RBFOX1: variants seen among roughly 807,000 people sequenced by gnomAD.
RBFOX1 encodes the protein RNA binding fox-1 homolog 1, also known as RNA binding protein fox-1 homolog 1.
In RBFOX1, 8 loss-of-function variants were observed where a neutral mutation model predicts 57.7. The ratio of observed to expected loss-of-function variants is 0.14; its 90% confidence interval spans 0.08 to 0.25. The LOEUF (loss-of-function observed/expected upper bound fraction) is 0.25. RBFOX1 is among the 10% of genes least tolerant of loss of function. The pLI is 1.00. For synonymous variants in RBFOX1, 326 were observed against 222.4 expected (o/e 1.47, Z -4.15); for missense variants, 611 against 548.5 (o/e 1.11, Z -1.14).
At chr16:5,688,875 C>T (rs1334802230) in intron 3 of RBFOX1, among the ~76,000 whole-genome samples, 1 of 152,178 alleles carries the variant, frequency 6.6e-6, no homozygotes, top group African/African-American at 2.4e-5. Flanking sequence ...TCTACTGCCT[C>T]TCATCTCTGC....
intron 5 of RBFOX1, among the ~76,000 whole-genome samples, chr16:7,544,811 T>C (rs1337192024): frequency 6.6e-6 from 1 of 152,198 alleles, no homozygotes; most frequent in East Asian, 1.9e-4. Flanking sequence ...TTTGTTTTTG[T>C]TTTTTCCTTT....
At chr16:6,230,341 G>GA (rs904154394) in intron 1 of RBFOX1, among the ~76,000 whole-genome samples, 7 of 152,034 alleles carry the variant, frequency 4.6e-5, no homozygotes, top group African/African-American at 1.7e-4. Context: ...TAATTATAAG[G>GA]AAAAAATATT....
At chr16:7,234,112 G>C (rs927468378) in intron 4 of RBFOX1, among the ~76,000 whole-genome samples, 1 of 152,064 alleles carries the variant, frequency 6.6e-6, no homozygotes, top group African/African-American at 2.4e-5. Context: ...ATTGCATTCA[G>C]CTCTATTCAC....
intron 1 of RBFOX1, among the ~76,000 whole-genome samples, chr16:6,301,963 A>G (rs1370704172): frequency 2.6e-5 from 4 of 152,154 alleles, no homozygotes; most frequent in East Asian, 1.9e-4. Flanking sequence ...AAATGCCCCA[A>G]TATCAAACTC....
intron 2 of RBFOX1, among the ~76,000 whole-genome samples, chr16:5,545,692 G>A (rs2045166898): frequency 6.6e-6 from 1 of 151,950 alleles, no homozygotes; most frequent in Admixed American, 6.6e-5. Context: ...AGGAATGTAA[G>A]GAAATTACTT....
intron 3 of RBFOX1, among the ~76,000 whole-genome samples, chr16:5,649,579 C>G (rs954808857): frequency 3.9e-5 from 6 of 152,210 alleles, no homozygotes; most frequent in Non-Finnish European, 5.9e-5. Flanking sequence ...CTAAGCTCAT[C>G]CCATCGTCTC....
At chr16:6,804,482 A>T (rs901380675) in intron 3 of RBFOX1, among the ~76,000 whole-genome samples, 1 of 152,188 alleles carries the variant, frequency 6.6e-6, no homozygotes, top group Admixed American at 6.5e-5. Context: ...TGGAACTAAC[A>T]GGCTCAACAG....
At chr16:6,793,753 A>T (rs1223714169) in intron 3 of RBFOX1, among the ~76,000 whole-genome samples, 2 of 152,174 alleles carry the variant, frequency 1.3e-5, no homozygotes. Context: ...AGCAAGAAAC[A>T]TTAGTTTCCA....
chr16:5,516,581 A>G (rs1297262689), intron 2 of RBFOX1, among the ~76,000 whole-genome samples: 1 of 152,208 alleles, frequency 6.6e-6, no homozygotes, highest in Non-Finnish European at 1.5e-5. Flanking sequence ...TTTTTTAATT[A>G]TAGTAGGCCC....
At chr16:6,882,482 T>C (rs1448933981) in intron 3 of RBFOX1, among the ~76,000 whole-genome samples, 1 of 152,070 alleles carries the variant, frequency 6.6e-6, no homozygotes, top group African/African-American at 2.4e-5. Flanking sequence ...TAATCCCAGC[T>C]ACTCCGGAGG....
intron 4 of RBFOX1, among the ~76,000 whole-genome samples, chr16:7,309,456 C>T (rs1266497637): frequency 6.6e-6 from 1 of 152,232 alleles, no homozygotes; most frequent in Non-Finnish European, 1.5e-5. Flanking sequence ...TTCGCCTGCT[C>T]TGCCTGCCAT....
intron 1 of RBFOX1, among the ~76,000 whole-genome samples, chr16:5,422,386 TGAG>T (rs757054937): frequency 1.3e-3 from 73 of 54,886 alleles, no homozygotes; most frequent in African/African-American, 3.5e-3. Context: ...AGAAGAGAAA[TGAG>T]GAGGAGGGAA....
intron 3 of RBFOX1, among the ~76,000 whole-genome samples, chr16:5,823,666 A>C (rs1224142906): frequency 6.6e-6 from 1 of 152,136 alleles, no homozygotes; most frequent in African/African-American, 2.4e-5. Flanking sequence ...TGGCAGCATT[A>C]GATTATCATA....
rs201101880 is a variant in RBFOX1 at position 6,818,434 on chromosome 16, G to GA, written c.-16+163794dup. On this transcript the variant is annotated intron_variant, in intron 3 of 15. Transcript: ENST00000550418. ...GTACAGATCCATGAGTGGCCAAAAA[G>GA]AAAAAAAAAATATTATTGAATGCCA... is the stretch of plus-strand genomic sequence containing the variant. Among the ~76,000 whole-genome samples, 501 of 148,966 alleles carry GA rather than the reference G, an allele frequency of 3.4e-3. 5 individuals carry two copies. The highest frequency in any genetic ancestry group is 0.02 in the Admixed American group (304 of 15,010).
chr16:5,302,716 A>G (rs1178741084), intron 1 of RBFOX1, among the ~76,000 whole-genome samples: 2 of 152,090 alleles, frequency 1.3e-5, no homozygotes, highest in African/African-American at 2.4e-5. Flanking sequence ...CTTGAGGTTT[A>G]TTTTGTCTGA....
intron 1 of RBFOX1, among the ~76,000 whole-genome samples, chr16:6,107,718 T>C (rs1208110867): frequency 2.2e-4 from 7 of 31,840 alleles, no homozygotes; most frequent in African/African-American, 1.2e-3. Context: ...GATGGATGGA[T>C]TTGTGGGTGG....
At chr16:6,525,301 G>A (rs1332963409) in intron 2 of RBFOX1, among the ~76,000 whole-genome samples, 1 of 152,180 alleles carries the variant, frequency 6.6e-6, no homozygotes, top group South Asian at 2.1e-4. Flanking sequence ...TTACTGGGGA[G>A]TATGTGATGT....
At chr16:6,530,139 C>T (rs1457149504) in intron 2 of RBFOX1, among the ~76,000 whole-genome samples, 6 of 152,144 alleles carry the variant, frequency 3.9e-5, no homozygotes, top group Non-Finnish European at 5.9e-5. Flanking sequence ...TCTTTCCTCC[C>T]CTTCTTTTAT....
intron 2 of RBFOX1, among the ~76,000 whole-genome samples, chr16:6,639,393 C>T (rs2098468973): frequency 6.6e-6 from 1 of 152,162 alleles, no homozygotes; most frequent in African/African-American, 2.4e-5. Flanking sequence ...AGCTTCCCTT[C>T]CCAGGAGAAC....
Sources: gnomAD v4.1 joint callset for allele counts (sites outside exome capture counted in the v4.1 genomes callset) on GRCh38, gnomAD v4.1.1 for gene constraint, MANE v1.5 for transcripts, NCBI Gene and HGNC (gene_info 2026-07-23, HGNC 2026-07-21) for gene names.